ENTPD5: variants seen among roughly 807,000 people sequenced by gnomAD.
ENTPD5 encodes the protein ectonucleoside triphosphate diphosphohydrolase 5 (inactive).
ENTPD5 carries 49 observed loss-of-function variants against 60.2 expected under a neutral mutation model. The ratio of observed to expected loss-of-function variants is 0.81; its 90% CI spans 0.65 to 1.03. The LOEUF (loss-of-function observed/expected upper bound fraction) is 1.03. Ranked by LOEUF, ENTPD5 falls within the 50% of genes least tolerant of loss-of-function variation. The probability of loss-of-function intolerance (pLI) is 0.00; values close to 1 mark genes in which losing one functional copy is unlikely to be tolerated. For missense variants in ENTPD5, 480 were observed against 507.6 expected (o/e 0.95, Z 0.52); for synonymous variants, 187 against 185.4 (o/e 1.01, Z -0.07).
At chr14:74,002,292 G>A (rs1040037573) in intron 3 of ENTPD5, among the ~76,000 whole-genome samples, 1 of 152,086 alleles carries the variant, frequency 6.6e-6, no homozygotes, top group Admixed American at 6.5e-5. Flanking sequence ...TATCTAACAG[G>A]GCTCTTGGAA....
intron 2 of ENTPD5, among the ~76,000 whole-genome samples, chr14:74,013,480 T>C (rs983985209): frequency 1.3e-5 from 2 of 151,838 alleles, no homozygotes; most frequent in Non-Finnish European, 2.9e-5. Context: ...TAAAATATTA[T>C]GAGATCTTTT....
At chr14:73,990,002 G>A (rs942250626) in intron 3 of ENTPD5, among the ~76,000 whole-genome samples, 3 of 151,630 alleles carry the variant, frequency 2.0e-5, no homozygotes, top group Non-Finnish European at 2.9e-5. Flanking sequence ...GCAAGACTTC[G>A]TCTCAAAAAA....
downstream of ENTPD5, chr14:73,961,687 A>G (rs1157475652): frequency 2.5e-6 from 4 of 1,612,426 alleles, no homozygotes; most frequent in African/African-American, 4.0e-5. Context: ...AGGAGATGGA[A>G]GAAAACCTTA....
intron 8 of ENTPD5, among the ~76,000 whole-genome samples, 183 bp from the exon 9 acceptor site, chr14:73,976,595 G>GTT (rs375982603): frequency 2.1e-5 from 3 of 140,080 alleles, no homozygotes; most frequent in Non-Finnish European, 4.7e-5. Flanking sequence ...CAAGGCAGGT[G>GTT]TTTTTTTTTT....
At chr14:74,004,340 G>C (rs1184173072) in intron 3 of ENTPD5, among the ~76,000 whole-genome samples, 1 of 151,930 alleles carries the variant, frequency 6.6e-6, no homozygotes, top group African/African-American at 2.4e-5. Flanking sequence ...GCTAATTTTT[G>C]TATTTCTAGT....
At chr14:73,985,843 A>G (rs1395088915) in intron 5 of ENTPD5, among the ~76,000 whole-genome samples, 1 of 151,956 alleles carries the variant, frequency 6.6e-6, no homozygotes, top group African/African-American at 2.4e-5. Context: ...AGAGGCTGAC[A>G]TGGGCGGATC....
rs1186194302 is a variant in ENTPD5 at position 73,982,881 on chromosome 14, G to C, written c.441+137C>G. On this transcript the variant is annotated intron_variant, in intron 6 of 15. Coordinates refer to ENST00000334696, the MANE Select transcript of ENTPD5 (RefSeq NM_001249.5). ...AAATGTAAACAACTAGCTATAACAA[G>C]TGGTCAGAGTCATCACAATGCTTTG... The C allele has an allele frequency of 1.1e-5, 9 of 785,986 alleles. No individual in the cohort carries two copies. The Admixed American group carries it at 1.9e-4, about 17-fold the overall frequency. 48.7% of individuals were successfully genotyped at this position (785,986 alleles called of 1,614,324 possible).
chr14:73,984,631 C>T (rs2057824275), intron 5 of ENTPD5, among the ~76,000 whole-genome samples: 1 of 152,102 alleles, frequency 6.6e-6, no homozygotes, highest in Admixed American at 6.5e-5. Flanking sequence ...TTTCTAAATG[C>T]CAAGTCAGTT....
rs895626235 is a variant in ENTPD5 at position 73,965,766 on chromosome 14, CAA to C, written c.*1160_*1161del. 2.6e-5 allele frequency: 4 copies of C among 152,266 alleles called. No homozygotes were observed. The highest frequency in any genetic ancestry group is 9.7e-5 in the African/African-American group (4 of 41,432). 9.4% of individuals were successfully genotyped at this position (152,266 alleles called of 1,614,324 possible). On this transcript the variant is annotated 3_prime_UTR_variant, in exon 16 of 16. Transcript: ENST00000334696. Reference sequence around the variant, plus strand: ...GAATTTGGGGTAAATAATTCACAGTCAAGAGCTCTGAGCACTTGGATTCAAAA... The same window carrying C: ...GAATTTGGGGTAAATAATTCACAGTCGAGCTCTGAGCACTTGGATTCAAAA...
In ENTPD5 at chr14:74,005,509, C is replaced by A. The variant is rs117276586; in HGVS notation, c.-71+5582G>T. ...GCCATCACATCGGCTGCTATTAACT[C>A]TTAAAAATGAACAACTGGCCAGGTG... On this transcript the variant is annotated intron_variant, in intron 3 of 15. Transcript: ENST00000334696. Among the ~76,000 whole-genome samples the A allele has an allele frequency of 4.2e-3, 644 of 152,018 alleles. 8 individuals carry two copies. Among genetic ancestry groups the A allele is most frequent in the Non-Finnish European group, 7.8e-3 (528 of 67,972 alleles).
chr14:73,982,789 A>C (rs1242218757), intron 6 of ENTPD5, among the ~76,000 whole-genome samples: 2 of 152,082 alleles, frequency 1.3e-5, no homozygotes, highest in African/African-American at 2.4e-5. Flanking sequence ...AGAATGAAGA[A>C]TATCCTAGAT....
At chr14:73,955,501 C>G (rs376848848), downstream of ENTPD5, 13 of 1,613,688 alleles carry the variant, frequency 8.1e-6, no homozygotes, top group Non-Finnish European at 1.1e-5. Flanking sequence ...AGCCTTTCGG[C>G]GAATGCAGGT....
At chr14:73,957,966 G>A (rs2056521196), downstream of ENTPD5, 1 of 619,054 alleles carries the variant, frequency 1.6e-6, no homozygotes, top group Non-Finnish European at 2.9e-6. Flanking sequence ...TTGACATTGA[G>A]TTATCTCTGT....
At chr14:73,985,265 G>A (rs1169808286) in intron 5 of ENTPD5, among the ~76,000 whole-genome samples, 1 of 152,166 alleles carries the variant, frequency 6.6e-6, no homozygotes, top group Admixed American at 6.5e-5. Flanking sequence ...CGAGTAATGG[G>A]ATGGCTGGGT....
At position 73,968,394 on chromosome 14, in the gene ENTPD5, C is replaced by A. The variant is rs533089921; in HGVS notation, c.1201-1380G>T. Among the ~76,000 whole-genome samples, 32 of 151,232 alleles carry A rather than the reference C, an allele frequency of 2.1e-4. No homozygotes were observed. In the South Asian group the frequency reaches 6.7e-3, roughly 32 times the overall value. On this transcript the variant is annotated intron_variant, in intron 15 of 15. Transcript: ENST00000334696. Reference sequence around the variant, plus strand: ...AATCTCTGCTTCAACCAGAATAGTTCCACTTTTACCAGTTTTATATTACTG... The same window carrying A: ...AATCTCTGCTTCAACCAGAATAGTTACACTTTTACCAGTTTTATATTACTG...
At chr14:73,992,410 C>T (rs932327293) in intron 3 of ENTPD5, among the ~76,000 whole-genome samples, 1 of 152,258 alleles carries the variant, frequency 6.6e-6, no homozygotes, top group Non-Finnish European at 1.5e-5. Context: ...TTAGGCCAGG[C>T]GTGGTGGCTC....
chr14:73,962,088 C>T (rs927522112), downstream of ENTPD5, among the ~76,000 whole-genome samples: 2 of 152,022 alleles, frequency 1.3e-5, no homozygotes, highest in Admixed American at 6.6e-5. Context: ...GCTGGGATTA[C>T]AGGCGCCCAC....
chr14:73,982,553 G>A (rs2057735150), intron 6 of ENTPD5, among the ~76,000 whole-genome samples: 1 of 151,810 alleles, frequency 6.6e-6, no homozygotes. Context: ...TCAGGAGATC[G>A]AGACCATCCT....
At chr14:73,967,060 C>T (rs1816661857) in intron 15 of ENTPD5, 46 bp from the exon 16 acceptor site, 1 of 1,523,122 alleles carries the variant, frequency 6.6e-7, no homozygotes, top group Non-Finnish European at 9.1e-7. Flanking sequence ...CAGTTTCCAA[C>T]TCTAGCAAGC....
Sources: allele counts gnomAD v4.1 joint callset (sites outside exome capture counted in the v4.1 genomes callset), GRCh38; gene constraint gnomAD v4.1.1; transcripts MANE v1.5; gene names NCBI Gene and HGNC (gene_info 2026-07-23, HGNC 2026-07-21).